Variants in PDE1C observed in about 807,000 individuals in gnomAD.
PDE1C encodes the protein phosphodiesterase 1C.
A neutral mutation model predicts 93.1 loss-of-function variants in PDE1C; 62 were observed. The ratio of observed to expected loss-of-function variants is 0.67; its 90% CI spans 0.54 to 0.82. PDE1C has a LOEUF of 0.82. PDE1C is among the 40% of genes least tolerant of loss of function. The pLI is 0.00. For missense variants in PDE1C, 742 were observed against 884.6 expected, an observed-to-expected ratio of 0.84 and a Z score of 2.04; for synonymous variants, 325 against 310.1, an observed-to-expected ratio of 1.05 and a Z score of -0.50.
chr7:31,648,330 AAAAG>A, the PDE1C span, among the ~76,000 whole-genome samples: 1 of 151,366 alleles, frequency 6.6e-6, no homozygotes, highest in African/African-American at 2.4e-5. Flanking sequence ...TATTGTAAGA[AAAAG>A]AAGAAGAAGA....
chr7:32,217,591 G>A (rs1045845941), intron 1 of PDE1C, among the ~76,000 whole-genome samples: 2 of 152,204 alleles, frequency 1.3e-5, no homozygotes, highest in Admixed American at 1.3e-4. Context: ...CTGATGCCAA[G>A]ACTGAGCTTA....
In PDE1C at chr7:32,265,541, T is replaced by C. The variant is rs368247369; in HGVS notation, c.85+33110A>G. On this transcript the variant is annotated intron_variant, in intron 1 of 18. Coordinates refer to the PDE1C transcript ENST00000396193. ...CACAAAAGAAAGTAGAGCCAACAGA[T>C]AGAAAAAGAGAGACAGGGAACAAAC... Among the ~76,000 whole-genome samples, 5 of 152,056 alleles carry C rather than the reference T, an allele frequency of 3.3e-5. No individual in the cohort carries two copies. In the East Asian group the frequency reaches 5.8e-4, roughly 18 times the overall value.
chr7:31,875,504 G>A (rs1015014276), intron 5 of PDE1C, among the ~76,000 whole-genome samples: 9 of 151,984 alleles, frequency 5.9e-5, no homozygotes, highest in East Asian at 5.8e-4. Context: ...CCTGGAATCC[G>A]CATTTTTAAC....
intron 5 of PDE1C, among the ~76,000 whole-genome samples, chr7:31,873,949 T>C (rs1228537495): frequency 6.6e-6 from 1 of 152,234 alleles, no homozygotes; most frequent in Admixed American, 6.5e-5. Context: ...TGACTTCCTC[T>C]AAGTTTACAG....
chr7:31,997,960 C>A (rs989531773), intron 2 of PDE1C, among the ~76,000 whole-genome samples: 3 of 151,736 alleles, frequency 2.0e-5, no homozygotes, highest in Non-Finnish European at 4.4e-5. Flanking sequence ...AAGTAAAATG[C>A]CTCTATGTGG....
Position 31,786,987 on chromosome 7 carries a change from CCTAT to C in PDE1C, c.1892-11259_1892-11256del, listed in dbSNP as rs553460630. 803 of 151,636 alleles carry C rather than the reference CCTAT, an allele frequency of 5.3e-3. 4 individuals carry two copies. Among genetic ancestry groups the C allele is most frequent in the African/African-American group, 0.014 (568 of 41,300 alleles). 9.4% of individuals were successfully genotyped at this position (151,636 alleles called of 1,614,324 possible). On this transcript the variant is annotated intron_variant, in intron 16 of 17. Transcript: ENST00000396191. ...ATCTATCTATCTATCTACCTACCTA[CCTAT>C]CTAAGGAAAAGTGACCCATGAGAGA...
chr7:31,670,347 T>C, the PDE1C span, among the ~76,000 whole-genome samples: 1 of 152,192 alleles, frequency 6.6e-6, no homozygotes, highest in South Asian at 2.1e-4. Flanking sequence ...AAATTGGAGT[T>C]GCTCAAACTG....
At chr7:31,801,147 A>G (rs1457474218) in intron 16 of PDE1C, among the ~76,000 whole-genome samples, 1 of 151,174 alleles carries the variant, frequency 6.6e-6, no homozygotes, top group African/African-American at 2.4e-5. Flanking sequence ...AAAGATGGAT[A>G]TTAATAAAAT....
chr7:31,968,425 G>C (rs1249301327), intron 2 of PDE1C, among the ~76,000 whole-genome samples: 6 of 152,032 alleles, frequency 3.9e-5, no homozygotes, highest in East Asian at 1.9e-4. Context: ...CCTCTTCAAG[G>C]AGAACTACAA....
intron 2 of PDE1C, among the ~76,000 whole-genome samples, chr7:31,928,987 G>C (rs1425348812): frequency 1.3e-5 from 2 of 152,046 alleles, no homozygotes; most frequent in East Asian, 3.9e-4. Flanking sequence ...GACACAGACT[G>C]GCAAATTGGA....
intron 1 of PDE1C, among the ~76,000 whole-genome samples, chr7:32,056,706 G>C (rs1794163899): frequency 6.6e-6 from 1 of 152,156 alleles, no homozygotes; most frequent in African/African-American, 2.4e-5. Context: ...AAAAACAGTA[G>C]TATTGCATAA....
At chr7:31,705,359 G>T in the PDE1C span, among the ~76,000 whole-genome samples, 2 of 152,164 alleles carry the variant, frequency 1.3e-5, no homozygotes, top group Admixed American at 6.5e-5. Context: ...AGCAAGGATG[G>T]ATGGAAAATT....
chr7:31,618,069 G>C, the PDE1C span, among the ~76,000 whole-genome samples: 5 of 152,176 alleles, frequency 3.3e-5, no homozygotes, highest in Non-Finnish European at 7.3e-5. Flanking sequence ...GATGACAGAA[G>C]CCTATCAGGT....
Position 31,985,167 on chromosome 7 carries a change from G to C in PDE1C, c.128+66387C>G, listed in dbSNP as rs546076138. 3.0e-4 allele frequency among the ~76,000 whole-genome samples: 45 copies of C among 152,292 alleles called. No homozygotes were observed. In the South Asian group the frequency reaches 9.1e-3, roughly 31 times the overall value. ...ACGGACAAGGGCCAAGAGTAGACTA[G>C]TAAGCAGTACCATAGCAGTCATGAA... On this transcript the variant is annotated intron_variant, in intron 2 of 17. Transcript: ENST00000396191.
chr7:32,179,461 A>C (rs896125993), intron 2 of PDE1C, among the ~76,000 whole-genome samples: 2 of 151,910 alleles, frequency 1.3e-5, no homozygotes, highest in Non-Finnish European at 2.9e-5. Context: ...GCGTTTCACC[A>C]TGTTGGCCAG....
intron 1 of PDE1C, among the ~76,000 whole-genome samples, chr7:32,324,756 C>A (rs113744842): frequency 0.023 from 3,515 of 152,210 alleles, 138 homozygotes; most frequent in African/African-American, 0.08. Flanking sequence ...AGAGACCAGC[C>A]TGGGCTACAT....
At chr7:31,903,079 C>T (rs1465393609) in intron 2 of PDE1C, among the ~76,000 whole-genome samples, 2 of 151,754 alleles carry the variant, frequency 1.3e-5, no homozygotes, top group Admixed American at 6.6e-5. Flanking sequence ...AAAAGCTGTA[C>T]TACTCTTTCC....
chr7:32,288,932 C>A (rs1037923016), intron 1 of PDE1C, among the ~76,000 whole-genome samples: 7 of 152,150 alleles, frequency 4.6e-5, no homozygotes, highest in Non-Finnish European at 8.8e-5. Context: ...GAAATACCTT[C>A]AGGTTTGGCA....
At chr7:32,069,173 C>T (rs924342001) in intron 1 of PDE1C, among the ~76,000 whole-genome samples, 1 of 152,106 alleles carries the variant, frequency 6.6e-6, no homozygotes, top group African/African-American at 2.4e-5. Context: ...CAATAAGGAC[C>T]CCTTAAAGAA....
Sources: allele counts gnomAD v4.1 joint callset (sites outside exome capture counted in the v4.1 genomes callset), GRCh38; gene constraint gnomAD v4.1.1; transcripts MANE v1.5; gene names NCBI Gene and HGNC (gene_info 2026-07-23, HGNC 2026-07-21).